Variants in KCNN2 observed in about 807,000 individuals in gnomAD.
KCNN2 encodes potassium calcium-activated channel subfamily N member 2.
A neutral mutation model predicts 55.5 loss-of-function variants in KCNN2; 24 were observed. The ratio of observed to expected loss-of-function variants is 0.43; its 90% CI spans 0.31 to 0.61. The LOEUF is 0.61. KCNN2 is among the 20% of genes least tolerant of loss of function. The pLI, the probability that KCNN2 is intolerant of heterozygous loss-of-function variation, is 0.08. For synonymous variants in KCNN2, 431 were observed against 336.1 expected (o/e 1.28, Z -3.09); for missense variants, 754 against 853.6 (o/e 0.88, Z 1.45).
intron 2 of KCNN2, among the ~76,000 whole-genome samples, chr5:114,227,928 T>A (rs1410267004): frequency 6.6e-6 from 1 of 152,154 alleles, no homozygotes; most frequent in Admixed American, 6.5e-5. Flanking sequence ...TATATGTTGA[T>A]TCATTCCTTC....
At chr5:114,328,921 G>C (rs963348797) in intron 2 of KCNN2, among the ~76,000 whole-genome samples, 1 of 152,158 alleles carries the variant, frequency 6.6e-6, no homozygotes, top group African/African-American at 2.4e-5. Context: ...AGTGTGTATA[G>C]TGTGTATTTC....
intron 2 of KCNN2, among the ~76,000 whole-genome samples, chr5:114,314,724 C>G (rs1459719807): frequency 6.6e-6 from 1 of 152,040 alleles, no homozygotes; most frequent in African/African-American, 2.4e-5. Flanking sequence ...ATAATAATAG[C>G]CAGCCTGAAG....
chr5:114,244,584 C>G (rs1754714377), intron 2 of KCNN2, among the ~76,000 whole-genome samples: 1 of 140,540 alleles, frequency 7.1e-6, no homozygotes, highest in Non-Finnish European at 1.5e-5. Context: ...GCAATAAGAG[C>G]AAAACTCTGG....
At chr5:114,214,959 G>T (rs1423778434) in intron 1 of KCNN2, among the ~76,000 whole-genome samples, 2 of 152,094 alleles carry the variant, frequency 1.3e-5, no homozygotes, top group African/African-American at 4.8e-5. Flanking sequence ...GGTTCCAAAT[G>T]AGTAATATAG....
chr5:114,063,352 T>C (rs1750371873), intron 1 of KCNN2, among the ~76,000 whole-genome samples: 2 of 152,192 alleles, frequency 1.3e-5, no homozygotes, highest in African/African-American at 2.4e-5. Flanking sequence ...AATACAGAAA[T>C]ATGATTTTGC....
chr5:114,274,121 G>C (rs1175741540), intron 2 of KCNN2, among the ~76,000 whole-genome samples: 1 of 152,174 alleles, frequency 6.6e-6, no homozygotes, highest in Non-Finnish European at 1.5e-5. Flanking sequence ...GCTTGTGTGT[G>C]TTAGGTTTGT....
At position 114,435,177 on chromosome 5, in the gene KCNN2, C is replaced by G. The variant is rs188844910; in HGVS notation, c.1638-27872C>G. Among the ~76,000 whole-genome samples the G allele has an allele frequency of 5.2e-4, 75 of 144,946 alleles. No individual in the cohort carries two copies. The East Asian group carries it at 0.016, about 32-fold the overall frequency. On this transcript the variant is annotated intron_variant, in intron 3 of 7. Transcript: ENST00000673685. ...AGGCCTTCCTGAGTTTGTTTTCTCTCTCAAGCTAGTGAGTGCACAGTCTCT... is the reference window on the plus strand; with the variant it reads ...AGGCCTTCCTGAGTTTGTTTTCTCTGTCAAGCTAGTGAGTGCACAGTCTCT...
chr5:114,236,780 T>C (rs1157161657), intron 2 of KCNN2, among the ~76,000 whole-genome samples: 1 of 152,182 alleles, frequency 6.6e-6, no homozygotes, highest in Non-Finnish European at 1.5e-5. Context: ...AAGTATTATG[T>C]ATATTACCTG....
intron 4 of KCNN2, among the ~76,000 whole-genome samples, chr5:114,471,963 T>C (rs1333620392): frequency 6.6e-6 from 1 of 152,192 alleles, no homozygotes; most frequent in Non-Finnish European, 1.5e-5. Context: ...CACATCTACT[T>C]TCTGTGCCTC....
chr5:114,168,001 T>C (rs1752950821), intron 1 of KCNN2, among the ~76,000 whole-genome samples: 1 of 152,192 alleles, frequency 6.6e-6, no homozygotes, highest in African/African-American at 2.4e-5. Context: ...AGTTGCTGTT[T>C]ACTTTTTATT....
At chr5:114,200,627 T>A (rs1190132577) in intron 1 of KCNN2, among the ~76,000 whole-genome samples, 1 of 152,178 alleles carries the variant, frequency 6.6e-6, no homozygotes, top group Non-Finnish European at 1.5e-5. Flanking sequence ...TATTTGTACA[T>A]CTGGTATAGC....
intron 2 of KCNN2, among the ~76,000 whole-genome samples, chr5:114,282,458 G>A (rs1471110701): frequency 2.0e-5 from 3 of 151,738 alleles, no homozygotes; most frequent in Non-Finnish European, 4.4e-5. Context: ...TTAAGTTTTT[G>A]CTATTACTTT....
intron 5 of KCNN2, among the ~76,000 whole-genome samples, chr5:114,486,269 A>G (rs1378106291): frequency 1.3e-5 from 2 of 152,218 alleles, no homozygotes; most frequent in East Asian, 3.8e-4. Context: ...GTGGGTCATC[A>G]GATCCCATAG....
intron 2 of KCNN2, among the ~76,000 whole-genome samples, chr5:114,350,630 T>C (rs1374603588): frequency 2.0e-5 from 3 of 151,964 alleles, no homozygotes; most frequent in Non-Finnish European, 4.4e-5. Context: ...TTAATTTGTT[T>C]GCATTGTGTA....
At chr5:114,203,500 T>C (rs1295618282) in intron 1 of KCNN2, among the ~76,000 whole-genome samples, 1 of 152,220 alleles carries the variant, frequency 6.6e-6, no homozygotes, top group Non-Finnish European at 1.5e-5. Context: ...ATTGGTACCA[T>C]ATTTTCCCTT....
chr5:114,410,985 T>A (rs974724749), intron 3 of KCNN2, among the ~76,000 whole-genome samples: 1 of 152,208 alleles, frequency 6.6e-6, no homozygotes, highest in Non-Finnish European at 1.5e-5. Flanking sequence ...TGAATACCTT[T>A]GGATAATCTA....
At chr5:114,286,778 G>A (rs142833393) in intron 2 of KCNN2, among the ~76,000 whole-genome samples, 3 of 152,180 alleles carry the variant, frequency 2.0e-5, no homozygotes, top group Non-Finnish European at 4.4e-5. Flanking sequence ...AAAATTGCTT[G>A]GACAAAATAG....
intron 3 of KCNN2, among the ~76,000 whole-genome samples, chr5:114,462,554 G>A (rs1203407573): frequency 6.6e-6 from 1 of 152,182 alleles, no homozygotes; most frequent in Admixed American, 6.5e-5. Flanking sequence ...AGAGAAGACA[G>A]AAAAGGCTCC....
intron 1 of KCNN2, among the ~76,000 whole-genome samples, chr5:114,065,954 C>G (rs984342564): frequency 7.4e-6 from 1 of 134,358 alleles, no homozygotes; most frequent in Admixed American, 8.6e-5. Flanking sequence ...CTGGGTGGTT[C>G]CTAAATATCA....
Sources: gnomAD v4.1 joint callset for allele counts (sites outside exome capture counted in the v4.1 genomes callset) on GRCh38, gnomAD v4.1.1 for gene constraint, MANE v1.5 for transcripts, NCBI Gene and HGNC (gene_info 2026-07-23, HGNC 2026-07-21) for gene names.